The following CHFR variants were observed in gnomAD, a reference collection of about 807,000 sequenced individuals.
The protein encoded by CHFR is checkpoint with forkhead and ring finger domains, also known as E3 ubiquitin-protein ligase CHFR.
A neutral mutation model predicts 87.6 loss-of-function variants in CHFR; 57 were observed. The ratio of observed to expected loss-of-function variants is 0.65; its 90% CI spans 0.53 to 0.81. The LOEUF (loss-of-function observed/expected upper bound fraction) is 0.81. Among genes scored for constraint, CHFR ranks in the 30% least tolerant of loss-of-function variants. The pLI is 0.00. For synonymous variants in CHFR, 381 were observed against 359.2 expected (o/e 1.06, Z -0.69); for missense variants, 797 against 865.8 (o/e 0.92, Z 1.00).
intron 8 of CHFR, 86 bp downstream of exon 8, chr12:132,858,982 G>T: frequency 7.4e-7 from 1 of 1,351,762 alleles, no homozygotes; most frequent in Non-Finnish European, 1.0e-6. Flanking sequence ...GGACCTGCAG[G>T]CTTGTCTCAT....
chr12:132,859,474 C>T (rs977744914), intron 7 of CHFR, among the ~76,000 whole-genome samples: 23 of 152,098 alleles, frequency 1.5e-4, no homozygotes, highest in African/African-American at 5.3e-4. Flanking sequence ...CCTCAGCCTC[C>T]TGAGTAGCTG....
At chr12:132,877,730 G>T in intron 2 of CHFR, 76 bp from the exon 3 acceptor site, 1 of 849,506 alleles carries the variant, frequency 1.2e-6, no homozygotes, top group Non-Finnish European at 1.8e-6. Flanking sequence ...GTTTACCAAA[G>T]TATGTGGTTC....
intron 14 of CHFR, chr12:132,847,581 T>C (rs1418617551): frequency 1.9e-6 from 2 of 1,061,468 alleles, no homozygotes; most frequent in African/African-American, 3.3e-5. Context: ...CTGCCAGGTG[T>C]GTCTGTGGCA....
chr12:132,851,589 C>T (rs767567997), intron 12 of CHFR, 29 bp downstream of exon 12: 7 of 1,586,352 alleles, frequency 4.4e-6, no homozygotes, highest in African/African-American at 1.3e-5. Flanking sequence ...GATAGGAACC[C>T]GCCTGCGTGC....
chr12:132,881,334 G>A lies in CHFR; in HGVS notation c.134-3680C>T, dbSNP rs1951764944. On this transcript the variant is annotated intron_variant, in intron 2 of 17. Coordinates refer to ENST00000450056, the MANE Select transcript of CHFR (RefSeq NM_001161346.2). ...TGAAAAGACAAGCTATGGACTGGTG[G>A]AAATATTTGTAAAACACATATCTGA... Among the ~76,000 whole-genome samples, 4 of 152,266 alleles carry A rather than the reference G, an allele frequency of 2.6e-5. No homozygotes were observed. The South Asian group carries it at 8.3e-4, about 32-fold the overall frequency.
intron 12 of CHFR, among the ~76,000 whole-genome samples, chr12:132,850,526 G>A (rs943546387): frequency 2.6e-5 from 4 of 152,288 alleles, no homozygotes; most frequent in South Asian, 4.1e-4. Context: ...AGCGCCTGCC[G>A]TGGATGACCC....
rs1296093228 is a variant in CHFR, at chr12:132,869,683, G to A, written c.519C>T (p.Phe173=). The A allele has an allele frequency of 6.4e-7, 1 of 1,551,730 alleles. No homozygotes were observed. The highest frequency in any genetic ancestry group is 1.2e-5 in the South Asian group (1 of 84,058). Residue 173 remains phenylalanine (F), a synonymous_variant, in exon 6 of 18, where the codon TTC becomes TTT. Transcript: ENST00000450056. ...PQPSTSTSDL[F]PTASASSTEP... ...CCGTGGAAGAGGCCGAGGCTGTGGG[G>A]AAGAGGTCTGACGTCGATGTTGATG...
At chr12:132,842,986 C>T (rs376804846) in intron 17 of CHFR, 25 bp downstream of exon 17, 236 of 1,591,734 alleles carry the variant, frequency 1.5e-4, no homozygotes, top group Non-Finnish European at 1.9e-4. Context: ...CTGTAGCTGA[C>T]GCCTGTGCCC....
Position 132,838,020 on chromosome 12 carries a change from GC to G in CHFR, c.*3533del, listed in dbSNP as rs1227968074. The G allele has an allele frequency of 6.6e-6, 1 of 152,288 alleles. No individual in the cohort carries two copies. The highest frequency in any genetic ancestry group is 1.5e-5 in the Non-Finnish European group (1 of 68,102). 9.4% of individuals were successfully genotyped at this position (152,288 alleles called of 1,614,324 possible). A position where few individuals can be genotyped will look rare whatever the true frequency, so the allele number is the denominator to read the frequency against. ...AGTGACTCTGGGGCCTCTTCAGGGA[GC>G]CGGCTGCAGCTGCCTCAGGGCCAGC... On this transcript the variant is annotated 3_prime_UTR_variant, in exon 18 of 18. Transcript: ENST00000450056.
chr12:132,848,754 C>T (rs746949286), intron 12 of CHFR, 30 bp from the exon 13 acceptor site: 125 of 1,517,218 alleles, frequency 8.2e-5, no homozygotes, highest in Non-Finnish European at 1.1e-4. Context: ...GTTACACGCA[C>T]TCAGCGCTGA....
At chr12:132,850,390 G>A (rs566586293) in intron 12 of CHFR, among the ~76,000 whole-genome samples, 1 of 152,260 alleles carries the variant, frequency 6.6e-6, no homozygotes, top group South Asian at 2.1e-4. Flanking sequence ...AGAGTGAAGA[G>A]TTTGGATTCC....
At chr12:132,864,740 G>A (rs937799178) in intron 6 of CHFR, among the ~76,000 whole-genome samples, 10 of 152,074 alleles carry the variant, frequency 6.6e-5, no homozygotes, top group East Asian at 3.9e-4. Context: ...CCAACCACCC[G>A]GCCTCCCAAA....
intron 3 of CHFR, among the ~76,000 whole-genome samples, chr12:132,872,861 C>T (rs1228151669): frequency 1.3e-5 from 2 of 152,188 alleles, no homozygotes; most frequent in Non-Finnish European, 2.9e-5. Flanking sequence ...AAATGCTGGG[C>T]CGTCAGCTGC....
At chr12:132,874,246 C>CAT (rs1951562977) in intron 3 of CHFR, among the ~76,000 whole-genome samples, 1 of 152,292 alleles carries the variant, frequency 6.6e-6, no homozygotes, top group African/African-American at 2.4e-5. Context: ...TAAGAAAGTA[C>CAT]CACCACCATG....
At chr12:132,852,337 T>G (rs1279164857) in intron 11 of CHFR, among the ~76,000 whole-genome samples, 2 of 152,112 alleles carry the variant, frequency 1.3e-5, no homozygotes, top group Admixed American at 1.3e-4. Flanking sequence ...GACAAGCCCA[T>G]AGAACCTATG....
Position 132,853,437 on chromosome 12 carries a change from T to C in CHFR, c.1366A>G (p.Thr456Ala). 1 of 1,522,620 alleles carries C rather than the reference T, an allele frequency of 6.6e-7. No individual in the cohort carries two copies. The highest frequency in any genetic ancestry group is 1.3e-5 in the South Asian group (1 of 79,098). 94.3% of individuals were successfully genotyped at this position (1,522,620 alleles called of 1,614,324 possible). The change falls in exon 11 of 18, where the codon ACG becomes GCG. Residue 456 changes from threonine (T) to alanine (A), a missense_variant. By Grantham distance (58) the Thr-to-Ala change is moderately conservative. This residue lies in a region of CHFR where 597 missense variants were observed against 601.2 expected (regional missense o/e 0.99). Coordinates refer to ENST00000450056, the MANE Select transcript of CHFR (RefSeq NM_001161346.2). ...GDAPSTSVSL[T>A]TAVQDYVCPL... ...TGAGGGCGGCGCGGCTCACCTGTCGTCAGGCTGACGGACGTGGAGGGTGCA... is the reference window on the plus strand; with the variant it reads ...TGAGGGCGGCGCGGCTCACCTGTCGCCAGGCTGACGGACGTGGAGGGTGCA...
chr12:132,856,353 C>A, intron 10 of CHFR, 115 bp downstream of exon 10: 1 of 1,132,716 alleles, frequency 8.8e-7, no homozygotes, highest in African/African-American at 1.5e-5. Flanking sequence ...CTTGGCTGCT[C>A]AGGGCAGAAC....
Position 132,877,091 on chromosome 12 carries a change from G to A in CHFR, c.233+464C>T, listed in dbSNP as rs561956309. Among the ~76,000 whole-genome samples, 37 of 152,216 alleles carry A rather than the reference G, an allele frequency of 2.4e-4. No individual in the cohort carries two copies. The South Asian group carries it at 4.1e-3, about 17-fold the overall frequency. On this transcript the variant is annotated intron_variant, in intron 3 of 17. Coordinates refer to ENST00000450056, the MANE Select transcript of CHFR (RefSeq NM_001161346.2). ...ATTACAGGTGTGAGCCACCGCGCCC[G>A]GGCTGATAATAATGTTTTTTTCAAC...
intron 3 of CHFR, among the ~76,000 whole-genome samples, chr12:132,874,162 C>T (rs1951560654): frequency 6.6e-6 from 1 of 152,260 alleles, no homozygotes; most frequent in African/African-American, 2.4e-5. Context: ...GGACTCTGGA[C>T]CTCCATAACT....
Sources: gnomAD v4.1 joint callset for allele counts (sites outside exome capture counted in the v4.1 genomes callset) on GRCh38, gnomAD v4.1.1 for gene constraint, gnomAD v4.1.1 regional missense constraint, MANE v1.5 for transcripts, NCBI Gene and HGNC (gene_info 2026-07-23, HGNC 2026-07-21) for gene names.